The following PIWIL1 variants were observed in gnomAD, a reference collection of about 807,000 sequenced individuals.
PIWIL1 encodes piwi-like protein 1.
A neutral mutation model predicts 114.4 loss-of-function variants in PIWIL1; 73 were observed. That is an observed-to-expected ratio of 0.64 (90% CI 0.53 to 0.78). PIWIL1 has a LOEUF of 0.78. Among genes scored for constraint, PIWIL1 ranks in the 30% least tolerant of loss-of-function variants. The pLI, the probability that PIWIL1 is intolerant of heterozygous loss-of-function variation, is 0.00. For synonymous variants in PIWIL1, 375 were observed against 369.0 expected (o/e 1.02, Z -0.19); for missense variants, 723 against 1,063.1 (o/e 0.68, Z 4.45).
chr12:130,414,236 C>T, the PIWIL1 span: 1 of 1,614,020 alleles, frequency 6.2e-7, no homozygotes, highest in South Asian at 1.1e-5. Flanking sequence ...GGGCCGGGAG[C>T]TCTTCGGCAC....
At chr12:130,418,658 G>C in the PIWIL1 span, among the ~76,000 whole-genome samples, 1 of 152,180 alleles carries the variant, frequency 6.6e-6, no homozygotes, top group African/African-American at 2.4e-5. Flanking sequence ...GCATCAAAAC[G>C]TGCAGAGGGG....
chr12:130,355,569 A>G lies in PIWIL1; in HGVS notation c.1306A>G (p.Arg436Gly). ...DYIHKNDNVQRELRDWGLSFD... is the reference protein window; with the variant it reads ...DYIHKNDNVQGELRDWGLSFD... The stretch of plus-strand genomic sequence containing the variant: ...AATTTACAGAAACGATAATGTTCAA[A>G]GGGAGCTTCGAGACTGGGGTTTGAG... Residue 436 changes from arginine to glycine, a missense_variant, in exon 12 of 21, where the codon AGG becomes GGG. Around this residue, in one of 8 missense-constraint regions of PIWIL1, gnomAD observed 298 missense variants for 420.8 expected, o/e 0.71. Coordinates refer to ENST00000245255, the MANE Select transcript of PIWIL1 (RefSeq NM_004764.5). 1.9e-6 allele frequency: 3 copies of G among 1,612,926 alleles called. No homozygotes were observed. Among genetic ancestry groups the G allele is most frequent in the Non-Finnish European group, 2.5e-6 (3 of 1,178,846 alleles).
At chr12:130,349,151 C>A in intron 7 of PIWIL1, 88 bp from the exon 8 acceptor site, 1 of 844,550 alleles carries the variant, frequency 1.2e-6, no homozygotes. Context: ...AGTTTAGACC[C>A]AGTTAATAAA....
rs1476530449 is a variant in PIWIL1 at position 130,371,828 on chromosome 12, A to T, written c.*230A>T. 3 of 295,048 alleles carry T rather than the reference A, an allele frequency of 1.0e-5. No individual in the cohort carries two copies. The highest frequency in any genetic ancestry group is 1.9e-5 in the Non-Finnish European group (3 of 160,566). 18.3% of individuals were successfully genotyped at this position (295,048 alleles called of 1,614,324 possible). A position where few individuals can be genotyped will look rare whatever the true frequency, so the allele number is the denominator to read the frequency against. Reference sequence around the variant, plus strand: ...TGTTTCTCATAGATATTTTGTGAGCATTTTTTTGTTTATTTTGAAGAAATG... The same window carrying T: ...TGTTTCTCATAGATATTTTGTGAGCTTTTTTTTGTTTATTTTGAAGAAATG... On this transcript the variant is annotated 3_prime_UTR_variant, in exon 21 of 21. Transcript: ENST00000245255.
chr12:130,393,965 G>T, the PIWIL1 span, among the ~76,000 whole-genome samples: 3 of 152,192 alleles, frequency 2.0e-5, no homozygotes, highest in Non-Finnish European at 4.4e-5. Flanking sequence ...AGCTAGTGAA[G>T]TTGGGCATTT....
At chr12:130,355,118 C>T in intron 11 of PIWIL1, 113 bp downstream of exon 11, 1 of 736,404 alleles carries the variant, frequency 1.4e-6, no homozygotes, top group Non-Finnish European at 2.4e-6. Flanking sequence ...CCTTTGGTAT[C>T]TGTAGTATTT....
intron 18 of PIWIL1, 37 bp from the exon 19 acceptor site, chr12:130,367,096 C>G (rs773983995): frequency 6.2e-7 from 1 of 1,608,596 alleles, no homozygotes; most frequent in African/African-American, 1.3e-5. Context: ...GAAAATATGA[C>G]TGGCTAAATG....
chr12:130,352,742 C>T (rs780835736), intron 9 of PIWIL1, among the ~76,000 whole-genome samples: 6 of 152,068 alleles, frequency 3.9e-5, no homozygotes, highest in Admixed American at 1.3e-4. Context: ...GGGGGCGTAG[C>T]GAGTACAAGT....
chr12:130,391,715 C>A, the PIWIL1 span, among the ~76,000 whole-genome samples: 49 of 152,242 alleles, frequency 3.2e-4, no homozygotes, highest in African/African-American at 1.1e-3. Context: ...GAGGCCAAGC[C>A]AGCAGAGAGG....
the PIWIL1 span, among the ~76,000 whole-genome samples, chr12:130,391,358 G>A: frequency 6.6e-5 from 10 of 152,278 alleles, no homozygotes; most frequent in East Asian, 1.9e-4. Flanking sequence ...TGGAGATTAC[G>A]CCCCAAATCT....
At chr12:130,384,895 T>A in the PIWIL1 span, among the ~76,000 whole-genome samples, 217 of 152,366 alleles carry the variant, frequency 1.4e-3, 1 homozygote, top group African/African-American at 5.2e-3. Flanking sequence ...TGAAGTTATT[T>A]ACTCTTTGTT....
At position 130,356,914 on chromosome 12, in the gene PIWIL1, C is replaced by G. The variant is rs964634921; in HGVS notation, c.1405-4C>G. 1 of 1,599,442 alleles carries G rather than the reference C, an allele frequency of 6.3e-7. No homozygotes were observed. Among genetic ancestry groups the G allele is most frequent in the Non-Finnish European group, 8.5e-7 (1 of 1,170,246 alleles). ...ATTTACAGTGTGTCTGAACTCTCTT[C>G]TAGTTTGATTACAATCCACAATTTG... is the stretch of plus-strand genomic sequence containing the variant. On this transcript the variant is annotated splice_region_variant and splice_polypyrimidine_tract_variant and intron_variant, in intron 12 of 20. Transcript: ENST00000245255.
chr12:130,409,530 T>G, the PIWIL1 span, among the ~76,000 whole-genome samples: 1 of 151,816 alleles, frequency 6.6e-6, no homozygotes, highest in African/African-American at 2.4e-5. Flanking sequence ...TTTTTTTGTA[T>G]AGACGGGGTT....
chr12:130,349,187 A>C, intron 7 of PIWIL1, 52 bp from the exon 8 acceptor site: 1 of 1,365,908 alleles, frequency 7.3e-7, no homozygotes, highest in East Asian at 2.3e-5. Context: ...TAGTGTGTGC[A>C]GAATGTGTTG....
chr12:130,373,294 T>G (rs1198392210), downstream of PIWIL1, among the ~76,000 whole-genome samples: 1 of 152,138 alleles, frequency 6.6e-6, no homozygotes, highest in African/African-American at 2.4e-5. Flanking sequence ...ATTAATTTAT[T>G]TATGGATTTT....
In PIWIL1 at chr12:130,355,419, C is replaced by G. The variant is rs985537002; in HGVS notation, c.1290-134C>G. ...AAAGATGATTGTGCTCCTGTGCCAG[C>G]TGGCATTCTCACCAGCGCCTTCACC... is the stretch of plus-strand genomic sequence containing the variant. On this transcript the variant is annotated intron_variant, in intron 11 of 20. Coordinates refer to ENST00000245255, the MANE Select transcript of PIWIL1 (RefSeq NM_004764.5). 1.7e-5 allele frequency: 12 copies of G among 707,546 alleles called. No individual in the cohort carries two copies. The Admixed American group carries it at 2.6e-4, about 15-fold the overall frequency. The allele number at this position is 707,546 out of a possible 1,614,324, so 43.8% of individuals were successfully genotyped here. A position where few individuals can be genotyped will look rare whatever the true frequency, so the allele number is the denominator to read the frequency against.
intron 3 of PIWIL1, among the ~76,000 whole-genome samples, chr12:130,343,621 C>CTTTTTTT (rs533583982): frequency 5.2e-5 from 6 of 116,502 alleles, no homozygotes; most frequent in Non-Finnish European, 8.6e-5. Flanking sequence ...TTGAAGGATT[C>CTTTTTTT]TTTTTTTTTT....
At chr12:130,412,761 T>A in the PIWIL1 span, 1 of 1,613,564 alleles carries the variant, frequency 6.2e-7, no homozygotes, top group Non-Finnish European at 8.5e-7. Flanking sequence ...CACGGTAGAA[T>A]CCATCAGCGT....
At chr12:130,412,078 T>C in the PIWIL1 span, among the ~76,000 whole-genome samples, 3 of 152,114 alleles carry the variant, frequency 2.0e-5, no homozygotes, top group African/African-American at 7.2e-5. Context: ...AACTCATAAA[T>C]GTAATGTTGC....
Sources: allele counts gnomAD v4.1 joint callset (sites outside exome capture counted in the v4.1 genomes callset), GRCh38; gene constraint gnomAD v4.1.1; regional missense constraint gnomAD v4.1.1; transcripts MANE v1.5; gene names NCBI Gene and HGNC (gene_info 2026-07-23, HGNC 2026-07-21).